Variants in PRDM11 observed in about 807,000 individuals in gnomAD.
PRDM11 encodes PR/SET domain 11, also known as PR domain-containing protein 11.
In PRDM11, 20 loss-of-function variants were observed where a neutral mutation model predicts 97.8. That is an observed-to-expected ratio of 0.20 (90% CI 0.14 to 0.30). PRDM11 has a LOEUF of 0.30. Ranked by LOEUF, PRDM11 falls within the 10% of genes least tolerant of loss-of-function variation. PRDM11 has a pLI of 1.00. For missense variants in PRDM11, 1,139 were observed against 1,555.2 expected (o/e 0.73, Z 4.50); for synonymous variants, 599 against 637.7 (o/e 0.94, Z 0.91).
At chr11:45,132,644 T>C (rs1443221434) in intron 1 of PRDM11, among the ~76,000 whole-genome samples, 1 of 152,206 alleles carries the variant, frequency 6.6e-6, no homozygotes, top group Non-Finnish European at 1.5e-5. Context: ...TTCCATTCTG[T>C]TCCTCCATCC....
At chr11:45,212,955 A>C (rs1191878910) in intron 5 of PRDM11, 4 of 395,758 alleles carry the variant, frequency 1.0e-5, no homozygotes, top group African/African-American at 2.1e-5. Flanking sequence ...ACCCAGGCCC[A>C]AGCCCCCCTG....
At chr11:45,206,017 G>A (rs188764663) in intron 5 of PRDM11, among the ~76,000 whole-genome samples, 56 of 152,256 alleles carry the variant, frequency 3.7e-4, no homozygotes, top group Non-Finnish European at 6.0e-4. Flanking sequence ...CAGCTGATCC[G>A]ACACTGCCCT....
intron 1 of PRDM11, among the ~76,000 whole-genome samples, chr11:45,098,935 A>C (rs1187634420): frequency 2.6e-5 from 4 of 152,276 alleles, no homozygotes; most frequent in African/African-American, 9.6e-5. Flanking sequence ...TGCAGCTCTA[A>C]AGAGTCAATG....
chr11:45,097,881 C>T (rs1410929789), intron 1 of PRDM11, among the ~76,000 whole-genome samples: 2 of 152,238 alleles, frequency 1.3e-5, no homozygotes, highest in East Asian at 3.8e-4. Context: ...TGACAGTTCT[C>T]CAAGGAATTT....
chr11:45,099,279 G>C (rs7935386), intron 1 of PRDM11, among the ~76,000 whole-genome samples: 50,107 of 151,580 alleles, frequency 0.33, 9,790 homozygotes, highest in African/African-American at 0.54. Context: ...ACAGTGAAAC[G>C]CTGTCTCTAC....
intron 5 of PRDM11, among the ~76,000 whole-genome samples, chr11:45,210,260 C>G (rs2863168): frequency 0.18 from 27,873 of 152,220 alleles, 3,343 homozygotes; most frequent in African/African-American, 0.34. Flanking sequence ...TGCTCCGCCA[C>G]CCGCTCCCCA....
intron 1 of PRDM11, among the ~76,000 whole-genome samples, chr11:45,155,293 G>A (rs887856322): frequency 5.3e-5 from 8 of 152,346 alleles, no homozygotes; most frequent in Admixed American, 2.0e-4. Flanking sequence ...GGAGATGGCC[G>A]GCTTGGGAGG....
chr11:45,133,955 A>G (rs1311729819), intron 1 of PRDM11, among the ~76,000 whole-genome samples: 1 of 152,222 alleles, frequency 6.6e-6, no homozygotes, highest in Non-Finnish European at 1.5e-5. Context: ...TTCCTGGCAC[A>G]GGAACCCTGA....
chr11:45,217,192 A>G (rs555079909), intron 5 of PRDM11, among the ~76,000 whole-genome samples: 1 of 152,350 alleles, frequency 6.6e-6, no homozygotes, highest in African/African-American at 2.4e-5. Flanking sequence ...TTGCATATTC[A>G]GAAGAAATCT....
At chr11:45,213,813 C>T (rs1853867574) in intron 5 of PRDM11, 1 of 437,758 alleles carries the variant, frequency 2.3e-6, no homozygotes, top group Non-Finnish European at 4.7e-6. Context: ...AGGGCCAGGA[C>T]TGGAAGCCAG....
At chr11:45,110,400 C>T (rs1486409153) in intron 1 of PRDM11, among the ~76,000 whole-genome samples, 1 of 152,068 alleles carries the variant, frequency 6.6e-6, no homozygotes, top group Non-Finnish European at 1.5e-5. Context: ...AGAGGTGGGG[C>T]ATTTAGATAG....
intron 4 of PRDM11, among the ~76,000 whole-genome samples, chr11:45,201,678 TG>T (rs1853331061): frequency 6.6e-6 from 1 of 152,032 alleles, no homozygotes. Context: ...AAAAATTCTT[TG>T]TAGAGAGGCT....
chr11:45,100,207 G>A (rs1411555782), intron 1 of PRDM11, among the ~76,000 whole-genome samples: 4 of 152,166 alleles, frequency 2.6e-5, no homozygotes, highest in African/African-American at 7.2e-5. Context: ...GAAAGTTTGA[G>A]TAATTAAGAG....
intron 1 of PRDM11, among the ~76,000 whole-genome samples, chr11:45,162,144 C>A (rs1279169412): frequency 6.6e-6 from 1 of 152,178 alleles, no homozygotes; most frequent in East Asian, 1.9e-4. Context: ...CCTGCCCTTC[C>A]CCAGCACCAG....
At chr11:45,176,052 G>C (rs187978892) in intron 1 of PRDM11, among the ~76,000 whole-genome samples, 5 of 151,894 alleles carry the variant, frequency 3.3e-5, no homozygotes. Context: ...TATTTATTAG[G>C]GGTATTCACT....
intron 5 of PRDM11, among the ~76,000 whole-genome samples, chr11:45,218,880 A>C (rs1854031984): frequency 1.3e-5 from 2 of 152,234 alleles, no homozygotes; most frequent in Admixed American, 6.5e-5. Context: ...CATAGGACTC[A>C]AAGCTCCATC....
intron 1 of PRDM11, among the ~76,000 whole-genome samples, chr11:45,118,680 G>A (rs1590350266): frequency 6.6e-6 from 1 of 152,218 alleles, no homozygotes; most frequent in Non-Finnish European, 1.5e-5. Context: ...CAGTAGATGG[G>A]AACTTCCTCC....
intron 1 of PRDM11, among the ~76,000 whole-genome samples, chr11:45,165,298 G>C (rs906393153): frequency 2.0e-5 from 3 of 152,178 alleles, no homozygotes; most frequent in African/African-American, 7.2e-5. Context: ...TCCAACTGAT[G>C]CCCTCTCATT....
chr11:45,220,292 A>T (rs1378639661), intron 6 of PRDM11, among the ~76,000 whole-genome samples: 7 of 152,166 alleles, frequency 4.6e-5, no homozygotes, highest in Non-Finnish European at 1.5e-5. Flanking sequence ...TCTGGTGTTG[A>T]TATATTTTCC....
Sources: gnomAD v4.1 joint callset for allele counts (sites outside exome capture counted in the v4.1 genomes callset) on GRCh38, gnomAD v4.1.1 for gene constraint, MANE v1.5 for transcripts, NCBI Gene and HGNC (gene_info 2026-07-23, HGNC 2026-07-21) for gene names.